RERE: variants seen among roughly 807,000 people sequenced by gnomAD.
RERE encodes arginine-glutamic acid dipeptide repeats protein.
RERE carries 40 observed loss-of-function variants against 146.1 expected under a neutral mutation model. That is an observed-to-expected ratio of 0.27 (90% confidence interval 0.21 to 0.36). The LOEUF (loss-of-function observed/expected upper bound fraction) is 0.36, where lower values mean the gene tolerates loss of function less well. RERE is among the 10% of genes least tolerant of loss of function. RERE has a pLI of 1.00. For synonymous variants in RERE, 1,003 were observed against 866.0 expected, an observed-to-expected ratio of 1.16 and a Z score of -2.78; for missense variants, 1,933 against 2,138.7, an observed-to-expected ratio of 0.90 and a Z score of 1.90.
chr1:8,506,233 C>T (rs994423973), intron 8 of RERE, among the ~76,000 whole-genome samples: 2 of 152,160 alleles, frequency 1.3e-5, no homozygotes, highest in Non-Finnish European at 2.9e-5. Flanking sequence ...GAAAATACAG[C>T]CCCGAGGTGG....
intron 4 of RERE, among the ~76,000 whole-genome samples, chr1:8,559,516 A>T (rs1470865601): frequency 2.6e-5 from 4 of 151,990 alleles, no homozygotes; most frequent in Non-Finnish European, 5.9e-5. Context: ...TGGCAAAAAA[A>T]ACTTTCTACA....
chr1:8,603,290 T>G (rs1406390719), intron 4 of RERE, among the ~76,000 whole-genome samples: 1 of 152,258 alleles, frequency 6.6e-6, no homozygotes, highest in Non-Finnish European at 1.5e-5. Context: ...AGGGCACATT[T>G]ATGCCAAACA....
At chr1:8,475,920 C>A (rs1040981785) in intron 10 of RERE, among the ~76,000 whole-genome samples, 4 of 152,092 alleles carry the variant, frequency 2.6e-5, no homozygotes, top group Admixed American at 6.6e-5. Context: ...TCTGAATGGT[C>A]TTACGGGAGC....
rs1386189903 is a variant in RERE, at chr1:8,365,821, T to C, written c.1438A>G (p.Ser480Gly). Residue 480 changes from serine to glycine, a missense_variant, in exon 13 of 23, where the codon AGT (serine) becomes GGT (glycine). Physicochemically the swap from Ser to Gly is moderately conservative, Grantham distance 56. Coordinates refer to ENST00000400908, the MANE Select transcript of RERE (RefSeq NM_001042681.2). Reference sequence around the variant, plus strand: ...CAAGACCCCTACTCACAGAATTCACTGGACGGGGGTCTGGAGGGTGTGTTG... The same window carrying C: ...CAAGACCCCTACTCACAGAATTCACCGGACGGGGGTCTGGAGGGTGTGTTG... Reference protein sequence around the residue: ...PVNTPSRPPSSEFLDLSSASE... With the variant: ...PVNTPSRPPSGEFLDLSSASE... The C allele has an allele frequency of 2.5e-6, 4 of 1,614,100 alleles. No individual in the cohort carries two copies. The highest frequency in any genetic ancestry group is 3.4e-6 in the Non-Finnish European group (4 of 1,179,992).
intron 8 of RERE, among the ~76,000 whole-genome samples, chr1:8,497,925 T>A (rs930631623): frequency 3.3e-5 from 5 of 152,220 alleles, no homozygotes; most frequent in African/African-American, 1.2e-4. Context: ...AGAAGACATA[T>A]GCAAATGATA....
chr1:8,669,024 CTGTGTGTGTGTGTGTGTGTG>C lies in RERE; in HGVS notation c.-144-12603_-144-12584del, dbSNP rs59647434. ...TGAATATTCTAAAATGCACTCAACT[CTGTGTGTGTGTGTGTGTGTG>C]TGTGTGTGTGTGTGTGTGTGTGTGT... On this transcript the variant is annotated intron_variant, in intron 1 of 22. Coordinates refer to ENST00000400908, the MANE Select transcript of RERE (RefSeq NM_001042681.2). Among the ~76,000 whole-genome samples, 95 of 43,840 alleles carry C rather than the reference CTGTGTGTGTGTGTGTGTGTG, an allele frequency of 2.2e-3. 2 individuals carry two copies. The highest frequency in any genetic ancestry group is 5.6e-3 in the South Asian group (7 of 1,242). 28.8% of individuals were successfully genotyped at this position (43,840 alleles called of 152,430 possible).
intron 6 of RERE, among the ~76,000 whole-genome samples, chr1:8,547,131 A>G (rs1013507366): frequency 2.0e-5 from 3 of 152,054 alleles, no homozygotes; most frequent in Non-Finnish European, 4.4e-5. Flanking sequence ...GGAAAAACAA[A>G]TAACTAAAAA....
At chr1:8,449,122 AAC>A (rs1473626914) in intron 11 of RERE, among the ~76,000 whole-genome samples, 2 of 152,198 alleles carry the variant, frequency 1.3e-5, no homozygotes, top group Non-Finnish European at 2.9e-5. Context: ...GGGGCCTCTC[AAC>A]ACAGTCAAGA....
At chr1:8,363,058 C>A (rs1009405894) in intron 15 of RERE, among the ~76,000 whole-genome samples, 1 of 152,236 alleles carries the variant, frequency 6.6e-6, no homozygotes, top group Non-Finnish European at 1.5e-5. Flanking sequence ...AGTGGGCTCA[C>A]GCCAGAGGGC....
At chr1:8,516,240 A>AAAAAAAAAAAAAAAAC in intron 7 of RERE, among the ~76,000 whole-genome samples, 1 of 150,344 alleles carries the variant, frequency 6.7e-6, no homozygotes, top group Non-Finnish European at 1.5e-5. Flanking sequence ...AAAAAAAAAA[A>AAAAAAAAAAAAAAAAC]AAAAAAAAAT....
intron 11 of RERE, chr1:8,465,356 C>T (rs1267938518): frequency 4.8e-6 from 1 of 209,734 alleles, no homozygotes; most frequent in African/African-American, 2.3e-5. Context: ...TAATCAATGT[C>T]CTTTAAGGAG....
intron 8 of RERE, among the ~76,000 whole-genome samples, chr1:8,506,407 T>A (rs1645250811): frequency 6.6e-6 from 1 of 152,250 alleles, no homozygotes; most frequent in Non-Finnish European, 1.5e-5. Flanking sequence ...TGTGTTCACT[T>A]CACTTCATAA....
intron 1 of RERE, among the ~76,000 whole-genome samples, chr1:8,749,742 GA>G (rs919039435): frequency 2.6e-5 from 4 of 151,880 alleles, no homozygotes; most frequent in African/African-American, 9.7e-5. Context: ...AGCCATGGAG[GA>G]AAAAAAATCT....
chr1:8,406,381 T>A (rs985873090), intron 12 of RERE, among the ~76,000 whole-genome samples: 7 of 152,148 alleles, frequency 4.6e-5, no homozygotes, highest in Non-Finnish European at 8.8e-5. Flanking sequence ...AGATTAATAT[T>A]TTCAAGAGAA....
At chr1:8,373,668 T>C (rs886896657) in intron 12 of RERE, among the ~76,000 whole-genome samples, 2 of 152,208 alleles carry the variant, frequency 1.3e-5, no homozygotes, top group African/African-American at 2.4e-5. Context: ...CTGCCCTAAC[T>C]GGAGTGCTCC....
rs35540947 is a variant in RERE at position 8,758,855 on chromosome 1, C to CAA, written c.-145+58303_-145+58304dup. On this transcript the variant is annotated intron_variant, in intron 1 of 22. Transcript: ENST00000400908. ...AAGAAGAATTTAAGTGTCCTCACCA[C>CAA]AAAAAAAAAAAATGTGAAGTAATAC... 3.4e-4 allele frequency among the ~76,000 whole-genome samples: 47 copies of CAA among 137,530 alleles called. 1 individual carries two copies. The highest frequency in any genetic ancestry group is 1.1e-3 in the African/African-American group (40 of 37,508). 90.2% of individuals were successfully genotyped at this position (137,530 alleles called of 152,430 possible).
At chr1:8,383,714 C>G (rs896940342) in intron 12 of RERE, among the ~76,000 whole-genome samples, 14 of 152,064 alleles carry the variant, frequency 9.2e-5, no homozygotes, top group Admixed American at 2.6e-4. Context: ...CAAAAATTAG[C>G]CGGGTGTGGT....
intron 1 of RERE, among the ~76,000 whole-genome samples, chr1:8,695,287 G>T (rs1025053816): frequency 1.3e-5 from 2 of 151,850 alleles, no homozygotes; most frequent in Non-Finnish European, 2.9e-5. Flanking sequence ...ATATTTAAAT[G>T]CAAGACCACA....
chr1:8,374,212 A>T (rs1333886131), intron 12 of RERE, among the ~76,000 whole-genome samples: 1 of 152,222 alleles, frequency 6.6e-6, no homozygotes, highest in Admixed American at 6.5e-5. Context: ...TGCCACCTCC[A>T]GATCCTCTTC....
Sources: allele counts gnomAD v4.1 joint callset (sites outside exome capture counted in the v4.1 genomes callset), GRCh38; gene constraint gnomAD v4.1.1; transcripts MANE v1.5; gene names NCBI Gene and HGNC (gene_info 2026-07-23, HGNC 2026-07-21).